The following NXPH1 variants were observed in gnomAD, a reference collection of about 807,000 sequenced individuals.
The protein encoded by NXPH1 is neurexophilin-1.
NXPH1 carries 5 observed loss-of-function variants against 23.7 expected under a neutral mutation model. That is an observed-to-expected ratio of 0.21 (90% CI 0.11 to 0.44). The LOEUF (loss-of-function observed/expected upper bound fraction) is 0.44, where lower values mean the gene tolerates loss of function less well. NXPH1 is among the 20% of genes least tolerant of loss of function. The pLI is 0.99. For missense variants in NXPH1, 324 were observed against 321.6 expected (o/e 1.01, Z -0.06); for synonymous variants, 144 against 122.2 (o/e 1.18, Z -1.18).
At chr7:8,679,845 A>C (rs985129703) in intron 2 of NXPH1, among the ~76,000 whole-genome samples, 3 of 152,180 alleles carry the variant, frequency 2.0e-5, no homozygotes, top group South Asian at 4.1e-4. Context: ...ACATGGTGAA[A>C]CTCTGTCTCT....
intron 2 of NXPH1, among the ~76,000 whole-genome samples, chr7:8,672,243 C>T (rs184170248): frequency 1.3e-4 from 20 of 152,122 alleles, no homozygotes; most frequent in East Asian, 3.9e-4. Context: ...AACCAAACAC[C>T]GCATATTCTC....
At chr7:8,613,040 G>C (rs1819653714) in intron 2 of NXPH1, among the ~76,000 whole-genome samples, 1 of 151,840 alleles carries the variant, frequency 6.6e-6, no homozygotes, top group African/African-American at 2.4e-5. Flanking sequence ...CAAACTATAG[G>C]GATATGTGTG....
At chr7:8,728,147 G>T (rs931772605) in intron 2 of NXPH1, among the ~76,000 whole-genome samples, 4 of 151,612 alleles carry the variant, frequency 2.6e-5, no homozygotes, top group Non-Finnish European at 5.9e-5. Flanking sequence ...TTTGTCTGTT[G>T]TTGGTGTATA....
chr7:8,518,811 G>C (rs1817726534), intron 2 of NXPH1, among the ~76,000 whole-genome samples: 1 of 152,140 alleles, frequency 6.6e-6, no homozygotes, highest in Admixed American at 6.6e-5. Context: ...ATGGGTTTTG[G>C]AGCCACATAA....
chr7:8,509,381 T>G (rs2128613717), intron 2 of NXPH1, among the ~76,000 whole-genome samples: 1 of 152,242 alleles, frequency 6.6e-6, no homozygotes, highest in African/African-American at 2.4e-5. Context: ...AGAGCACGTT[T>G]ATTTTCCAAA....
chr7:8,745,399 T>C (rs1780449927), intron 2 of NXPH1, among the ~76,000 whole-genome samples: 1 of 142,418 alleles, frequency 7.0e-6, no homozygotes, highest in Admixed American at 7.6e-5. Flanking sequence ...TGTAAAAAAG[T>C]TGAACTCATA....
chr7:8,709,232 T>C (rs1779750366), intron 2 of NXPH1, among the ~76,000 whole-genome samples: 1 of 152,344 alleles, frequency 6.6e-6, no homozygotes, highest in African/African-American at 2.4e-5. Context: ...TTTTGAGTAC[T>C]GTATGGTAGT....
intron 2 of NXPH1, among the ~76,000 whole-genome samples, chr7:8,509,714 T>A (rs139584814): frequency 6.6e-6 from 1 of 152,210 alleles, no homozygotes; most frequent in Non-Finnish European, 1.5e-5. Flanking sequence ...TTTGGTGTGA[T>A]CTGAGTTTCT....
Position 8,625,096 on chromosome 7 carries a change from T to A in NXPH1, c.55-125912T>A, listed in dbSNP as rs553296762. Among the ~76,000 whole-genome samples the A allele has an allele frequency of 4.6e-5, 7 of 152,308 alleles. No homozygotes were observed. The South Asian group carries it at 1.5e-3, about 32-fold the overall frequency. On this transcript the variant is annotated intron_variant, in intron 2 of 2. Transcript: ENST00000405863. Reference sequence around the variant, plus strand: ...ATTTTCAGCTTCCTATGTGTCACAGTTGCTTTGACTATAGAGTCCCTATGT... The same window carrying A: ...ATTTTCAGCTTCCTATGTGTCACAGATGCTTTGACTATAGAGTCCCTATGT...
At chr7:8,723,352 A>G (rs950043332) in intron 2 of NXPH1, among the ~76,000 whole-genome samples, 10 of 152,236 alleles carry the variant, frequency 6.6e-5, no homozygotes, top group Admixed American at 2.0e-4. Context: ...TAGAAATTCA[A>G]GGAAGAAAAT....
At chr7:8,599,734 A>T (rs936300980) in intron 2 of NXPH1, among the ~76,000 whole-genome samples, 8 of 152,044 alleles carry the variant, frequency 5.3e-5, no homozygotes, top group South Asian at 2.1e-4. Context: ...GAGCCAGTAA[A>T]CAGCACCATT....
rs114970648 is a variant in NXPH1 at position 8,641,581 on chromosome 7, A to G, written c.55-109427A>G. 2.0e-3 allele frequency among the ~76,000 whole-genome samples: 305 copies of G among 152,180 alleles called. 2 individuals carry two copies. The highest frequency in any genetic ancestry group is 6.8e-3 in the African/African-American group (283 of 41,556). ...TTTAGCAGTCTCTTCAGCTATGTGT[A>G]TCTGTTTCTAAATATGCTTTGTTGG... is the stretch of plus-strand genomic sequence containing the variant. On this transcript the variant is annotated intron_variant, in intron 2 of 2. Transcript: ENST00000405863.
At chr7:8,660,403 T>G (rs1366113841) in intron 2 of NXPH1, among the ~76,000 whole-genome samples, 2 of 152,150 alleles carry the variant, frequency 1.3e-5, no homozygotes, top group African/African-American at 4.8e-5. Flanking sequence ...CGGGTGAAAG[T>G]TTTGAAAAGA....
chr7:8,584,059 A>G (rs965840536), intron 2 of NXPH1, among the ~76,000 whole-genome samples: 2 of 152,200 alleles, frequency 1.3e-5, no homozygotes, highest in African/African-American at 2.4e-5. Context: ...TATGCATTGG[A>G]TGCTGTTCTG....
chr7:8,493,214 C>T (rs6978212), intron 2 of NXPH1, among the ~76,000 whole-genome samples: 80,903 of 151,806 alleles, frequency 0.53, 21,933 homozygotes, highest in East Asian at 0.77. Context: ...AATGTGAGGA[C>T]AATGGTTAGT....
Position 8,442,734 on chromosome 7 carries a change from G to A in NXPH1, c.54+6967G>A, listed in dbSNP as rs1816324120. Among the ~76,000 whole-genome samples the A allele has an allele frequency of 6.6e-6, 1 of 152,222 alleles. No homozygotes were observed. Among genetic ancestry groups the A allele is most frequent in the Non-Finnish European group, 1.5e-5 (1 of 68,028 alleles). On this transcript the variant is annotated intron_variant, in intron 2 of 2. Transcript: ENST00000405863. The surrounding 1 kb of genome is among the most constrained non-coding windows in gnomAD (Gnocchi z 4.6). ...GCTTTATTGTCTGCTTTCAGTCGCA[G>A]GTGACCTCGAGCGATCTCGACAGGT...
At chr7:8,486,926 G>C (rs1419753994) in intron 2 of NXPH1, among the ~76,000 whole-genome samples, 2 of 151,572 alleles carry the variant, frequency 1.3e-5, no homozygotes. Flanking sequence ...ATTATTTCTT[G>C]CATATAGCCC....
At chr7:8,500,345 G>C (rs940269295) in intron 2 of NXPH1, among the ~76,000 whole-genome samples, 1 of 152,044 alleles carries the variant, frequency 6.6e-6, no homozygotes, top group Non-Finnish European at 1.5e-5. Flanking sequence ...CTGAAGTTTG[G>C]TTATCTGAGA....
intron 2 of NXPH1, among the ~76,000 whole-genome samples, chr7:8,712,252 T>C (rs1000081839): frequency 1.3e-5 from 2 of 152,212 alleles, no homozygotes; most frequent in African/African-American, 4.8e-5. Flanking sequence ...TTATGTTATT[T>C]TTTTCCAACC....
Sources: allele counts gnomAD v4.1 joint callset (sites outside exome capture counted in the v4.1 genomes callset), GRCh38; gene constraint gnomAD v4.1.1; non-coding constraint Gnocchi (gnomAD v3.1); transcripts MANE v1.5; gene names NCBI Gene and HGNC (gene_info 2026-07-23, HGNC 2026-07-21).